Variants in GRIP2 observed in about 807,000 individuals in gnomAD.
The protein encoded by GRIP2 is glutamate receptor-interacting protein 2.
Under a neutral mutation model 108.3 loss-of-function variants are expected in GRIP2, and 58 were observed. That is an observed-to-expected ratio of 0.54 (90% CI 0.43 to 0.67). The LOEUF (loss-of-function observed/expected upper bound fraction) is 0.67, where lower values mean the gene tolerates loss of function less well. Among genes scored for constraint, GRIP2 ranks in the 30% least tolerant of loss-of-function variants. The pLI is 0.00. For missense variants in GRIP2, 1,278 were observed against 1,430.6 expected, an observed-to-expected ratio of 0.89 and a Z score of 1.72; for synonymous variants, 586 against 598.2, an observed-to-expected ratio of 0.98 and a Z score of 0.30.
the GRIP2 span, among the ~76,000 whole-genome samples, chr3:14,585,512 C>T: frequency 2.0e-5 from 3 of 152,150 alleles, no homozygotes; most frequent in Admixed American, 6.5e-5. Flanking sequence ...ACTTCTGGGA[C>T]CGAGGCAGCT....
chr3:14,536,852 G>A (rs1694847221), intron 1 of GRIP2, among the ~76,000 whole-genome samples: 2 of 152,196 alleles, frequency 1.3e-5, no homozygotes. Flanking sequence ...GAGAGTAGAA[G>A]CAGAAGTCCT....
At position 14,509,691 on chromosome 3, in the gene GRIP2, G is replaced by A. The variant is rs564407949; in HGVS notation, c.2078+129C>T. 9 of 959,510 alleles carry A rather than the reference G, an allele frequency of 9.4e-6. No homozygotes were observed. The East Asian group carries it at 2.9e-4, about 31-fold the overall frequency. 59.4% of individuals were successfully genotyped at this position (959,510 alleles called of 1,614,324 possible). On this transcript the variant is annotated intron_variant, in intron 17 of 23. Transcript: ENST00000621039. ...TGAGTCTCAGAGAGGGGAAGTGACT[G>A]GCCCAATGTCACCCACAGTGTCAAT... is the stretch of plus-strand genomic sequence containing the variant.
chr3:14,506,560 C>A (rs1693932780), intron 19 of GRIP2, among the ~76,000 whole-genome samples: 1 of 152,224 alleles, frequency 6.6e-6, no homozygotes. Flanking sequence ...GCTTAGCAGC[C>A]AGCATGGGAC....
At chr3:14,592,079 G>T in the GRIP2 span, among the ~76,000 whole-genome samples, 1 of 152,216 alleles carries the variant, frequency 6.6e-6, no homozygotes, top group African/African-American at 2.4e-5. Flanking sequence ...TATGAATAAG[G>T]CTGCTCAGTA....
At chr3:14,528,958 T>C (rs1381981466) in intron 1 of GRIP2, among the ~76,000 whole-genome samples, 1 of 152,106 alleles carries the variant, frequency 6.6e-6, no homozygotes, top group Non-Finnish European at 1.5e-5. Context: ...TAGGTGACTC[T>C]GTGTCGCACT....
chr3:14,573,820 T>C, the GRIP2 span: 5 of 1,526,804 alleles, frequency 3.3e-6, no homozygotes, highest in Non-Finnish European at 4.5e-6. Context: ...TCTGGGGCGC[T>C]GGAATGGATG....
At chr3:14,576,642 C>A in the GRIP2 span, among the ~76,000 whole-genome samples, 1 of 152,222 alleles carries the variant, frequency 6.6e-6, no homozygotes, top group African/African-American at 2.4e-5. Context: ...TGCTCTCCTG[C>A]CACGTACAGC....
In GRIP2 at chr3:14,525,850, C is replaced by T; in HGVS notation, c.121+1G>A. The T allele has an allele frequency of 1.3e-6, 2 of 1,556,868 alleles. No individual in the cohort carries two copies. Among genetic ancestry groups the T allele is most frequent in the Non-Finnish European group, 1.7e-6 (2 of 1,150,088 alleles). ...AGAGGGAATGAGGGAAGCCTCATTACCTGGAATGCTCTGTCTGCGGCACGC... is the reference window on the plus strand; with the variant it reads ...AGAGGGAATGAGGGAAGCCTCATTATCTGGAATGCTCTGTCTGCGGCACGC... On this transcript the variant is annotated splice_donor_variant, in intron 2 of 23. Transcript: ENST00000621039. LOFTEE classifies it high-confidence loss of function.
chr3:14,589,349 C>G, the GRIP2 span, among the ~76,000 whole-genome samples: 2 of 152,114 alleles, frequency 1.3e-5, no homozygotes, highest in Non-Finnish European at 2.9e-5. Context: ...CTTCTATAGG[C>G]ATAGAAGAAA....
the GRIP2 span, among the ~76,000 whole-genome samples, chr3:14,567,838 G>A: frequency 1.3e-5 from 2 of 152,192 alleles, no homozygotes; most frequent in Non-Finnish European, 2.9e-5. Flanking sequence ...CACACCACAG[G>A]TTGAAATAAG....
upstream of GRIP2, among the ~76,000 whole-genome samples, chr3:14,557,600 G>A (rs1411477015): frequency 2.6e-5 from 4 of 152,200 alleles, no homozygotes; most frequent in South Asian, 2.1e-4. Context: ...AGGGCTAGCC[G>A]AGGAAGCAGG....
chr3:14,506,326 G>A (rs778738985), intron 19 of GRIP2, among the ~76,000 whole-genome samples: 2 of 152,216 alleles, frequency 1.3e-5, no homozygotes, highest in Admixed American at 6.5e-5. Flanking sequence ...GTCTCCCTGC[G>A]GCCACCTCCG....
chr3:14,592,384 T>C, the GRIP2 span, among the ~76,000 whole-genome samples: 4 of 152,170 alleles, frequency 2.6e-5, no homozygotes, highest in Admixed American at 6.5e-5. Context: ...CCAGCAGACC[T>C]GCATGGACAG....
intron 1 of GRIP2, among the ~76,000 whole-genome samples, chr3:14,537,924 G>A (rs1288009018): frequency 6.6e-6 from 1 of 152,248 alleles, no homozygotes; most frequent in Non-Finnish European, 1.5e-5. Context: ...GAGTGAACAT[G>A]GAGAGGGACT....
chr3:14,490,139 AC>A lies in GRIP2; in HGVS notation c.*3525del, dbSNP rs199657716. Reference sequence around the variant, plus strand: ...TACCTGCCTGCCTCTCTCTATGTGTACTGGGCCATGTGGCTTGTGTTCAAGC... The same window carrying A: ...TACCTGCCTGCCTCTCTCTATGTGTATGGGCCATGTGGCTTGTGTTCAAGC... On this transcript the variant is annotated 3_prime_UTR_variant, in exon 24 of 24. Coordinates refer to ENST00000621039, the MANE Select transcript of GRIP2 (RefSeq NM_001080423.4). 2.0e-3 allele frequency: 1 copy of A among 488 alleles called. No homozygotes were observed. Among genetic ancestry groups the A allele is most frequent in the South Asian group, 0.045 (1 of 22 alleles). The allele number at this position is 488 out of a possible 1,614,324, so 0.0% of individuals were successfully genotyped here.
At chr3:14,563,794 G>A in the GRIP2 span, among the ~76,000 whole-genome samples, 1 of 152,176 alleles carries the variant, frequency 6.6e-6, no homozygotes, top group Non-Finnish European at 1.5e-5. Flanking sequence ...CCAGGCAGTG[G>A]CCACTTTTTA....
intron 1 of GRIP2, among the ~76,000 whole-genome samples, chr3:14,534,652 G>A (rs988799288): frequency 6.6e-6 from 1 of 152,056 alleles, no homozygotes; most frequent in African/African-American, 2.4e-5. Context: ...AGCCAGTCCC[G>A]GCGAATGTGG....
intron 1 of GRIP2, among the ~76,000 whole-genome samples, chr3:14,532,456 G>T (rs1180930796): frequency 6.6e-6 from 1 of 152,148 alleles, no homozygotes; most frequent in Non-Finnish European, 1.5e-5. Flanking sequence ...GATTCCTGTG[G>T]TGGGGGCTTC....
chr3:14,520,004 T>C (rs1035949148), intron 9 of GRIP2, 106 bp downstream of exon 9: 2 of 1,083,250 alleles, frequency 1.8e-6, no homozygotes, highest in African/African-American at 3.2e-5. Flanking sequence ...TTTGTCCTAG[T>C]ACATTTTAGC....
Sources: gnomAD v4.1 joint callset for allele counts (sites outside exome capture counted in the v4.1 genomes callset) on GRCh38, gnomAD v4.1.1 for gene constraint, MANE v1.5 for transcripts, NCBI Gene and HGNC (gene_info 2026-07-23, HGNC 2026-07-21) for gene names.